The following HDGFL3 variants were observed in gnomAD, a reference collection of about 807,000 sequenced individuals.
HDGFL3 encodes the protein HDGF like 3.
In HDGFL3, 6 loss-of-function variants were observed where a neutral mutation model predicts 27.6. The ratio of observed to expected loss-of-function variants is 0.22; its 90% CI spans 0.12 to 0.43. The LOEUF (loss-of-function observed/expected upper bound fraction) is 0.43, where lower values mean the gene tolerates loss of function less well. Ranked by LOEUF, HDGFL3 falls within the 20% of genes least tolerant of loss-of-function variation. HDGFL3 has a pLI of 1.00. For missense variants in HDGFL3, 207 were observed against 250.1 expected, an observed-to-expected ratio of 0.83 and a Z score of 1.16; for synonymous variants, 88 against 88.9, an observed-to-expected ratio of 0.99 and a Z score of 0.05.
rs3082058 is a variant in HDGFL3 at position 83,145,897 on chromosome 15, CTTTTTTTTTTTTTTTTTT to C, written c.606+5300_606+5317del. Among the ~76,000 whole-genome samples the C allele has an allele frequency of 5.8e-3, 286 of 49,520 alleles. 2 individuals carry two copies. Among genetic ancestry groups the C allele is most frequent in the African/African-American group, 0.022 (272 of 12,376 alleles). The allele number at this position is 49,520 out of a possible 152,430, so 32.5% of individuals were successfully genotyped here. A position where few individuals can be genotyped will look rare whatever the true frequency, so the allele number is the denominator to read the frequency against. On this transcript the variant is annotated intron_variant, in intron 5 of 5. Coordinates refer to ENST00000299633, the MANE Select transcript of HDGFL3 (RefSeq NM_016073.4). Reference sequence around the variant, plus strand: ...TTCTCTCTCTCTCCCTTTCTTCTTCCTTTTTTTTTTTTTTTTTTTTTTTTTTTTTTTGAGATGGAGTCT... The same window carrying C: ...TTCTCTCTCTCTCCCTTTCTTCTTCCTTTTTTTTTTTTTGAGATGGAGTCT...
chr15:83,149,396 T>C lies in HDGFL3; in HGVS notation c.606+1819A>G, dbSNP rs889807069. ...CGTAATCAGTAAAGTTGAAATCATA[T>C]GTATGGATAAGATGAACACAAGATG... is the stretch of plus-strand genomic sequence containing the variant. On this transcript the variant is annotated intron_variant, in intron 5 of 5. Transcript: ENST00000299633. Among the ~76,000 whole-genome samples the C allele has an allele frequency of 3.3e-5, 5 of 152,312 alleles. No individual in the cohort carries two copies. In the South Asian group the frequency reaches 6.2e-4, roughly 19 times the overall value.
At chr15:83,202,950 G>A (rs749411242) in intron 1 of HDGFL3, among the ~76,000 whole-genome samples, 3 of 152,076 alleles carry the variant, frequency 2.0e-5, no homozygotes, top group Admixed American at 6.5e-5. Flanking sequence ...CATGAAGAAA[G>A]TTGTTATGTA....
Position 83,136,578 on chromosome 15 carries a change from TA to T in HDGFL3, c.*2691del. 6.2e-7 allele frequency: 1 copy of T among 1,613,908 alleles called. No individual in the cohort carries two copies. Among genetic ancestry groups the T allele is most frequent in the Non-Finnish European group, 8.5e-7 (1 of 1,179,870 alleles). On this transcript the variant is annotated 3_prime_UTR_variant, in exon 6 of 6. Transcript: ENST00000299633. ...AAAATCCTTTTTTTAGCATTAAACA[TA>T]GCATATGGAGTTCTTCCTCAGCTCT...
chr15:83,203,426 G>A (rs1369307663), intron 1 of HDGFL3, among the ~76,000 whole-genome samples: 1 of 152,028 alleles, frequency 6.6e-6, no homozygotes. Flanking sequence ...CATTTGGTGT[G>A]TGCCCGGTTG....
intron 3 of HDGFL3, among the ~76,000 whole-genome samples, chr15:83,121,571 A>G (rs143260474): frequency 1.3e-4 from 20 of 152,206 alleles, no homozygotes; most frequent in African/African-American, 4.3e-4. Flanking sequence ...TATGGATCCA[A>G]TTTCATTTCT....
chr15:83,165,685 C>T (rs1025354765), intron 1 of HDGFL3, among the ~76,000 whole-genome samples: 2 of 150,284 alleles, frequency 1.3e-5, no homozygotes, highest in African/African-American at 4.9e-5. Context: ...GTCCCAGCTA[C>T]TCAGGAGGCT....
At chr15:83,150,181 T>C (rs1345165982) in intron 5 of HDGFL3, among the ~76,000 whole-genome samples, 2 of 152,072 alleles carry the variant, frequency 1.3e-5, no homozygotes, top group Admixed American at 6.5e-5. Flanking sequence ...ATAAGTTTGG[T>C]AGTAAAGGGA....
intron 1 of HDGFL3, chr15:83,185,818 T>C (rs1220641396): frequency 2.0e-5 from 3 of 152,254 alleles, no homozygotes; most frequent in Non-Finnish European, 4.4e-5. Context: ...GTTACTTACT[T>C]ATAATGAATG....
chr15:83,174,320 T>C (rs1178511339), intron 1 of HDGFL3, among the ~76,000 whole-genome samples: 1 of 152,158 alleles, frequency 6.6e-6, no homozygotes. Context: ...ACCCCTGAAA[T>C]GTCTCTCAAA....
chr15:83,207,253 TG>T lies in HDGFL3; in HGVS notation c.84+77del. On this transcript the variant is annotated intron_variant, in intron 1 of 5. Coordinates refer to ENST00000299633, the MANE Select transcript of HDGFL3 (RefSeq NM_016073.4). The surrounding 1 kb of genome is among the most constrained non-coding windows in gnomAD (Gnocchi z 4.8). The stretch of plus-strand genomic sequence containing the variant: ...AGCTGCGGGCTCGGGGCTGAGGCGA[TG>T]GGGAAAGGGGGCGGGCGCGCCATCA... 4 of 965,584 alleles carry T rather than the reference TG, an allele frequency of 4.1e-6. No homozygotes were observed. The highest frequency in any genetic ancestry group is 3.0e-5 in the South Asian group (1 of 33,120). 59.8% of individuals were successfully genotyped at this position (965,584 alleles called of 1,614,324 possible).
chr15:83,140,383 T>C (rs1322062318), intron 5 of HDGFL3, among the ~76,000 whole-genome samples: 2 of 151,992 alleles, frequency 1.3e-5, no homozygotes, highest in Admixed American at 6.5e-5. Flanking sequence ...ACACCAGTTA[T>C]AAGATTATAC....
chr15:83,143,272 A>G (rs976574263), intron 5 of HDGFL3, among the ~76,000 whole-genome samples: 7 of 152,052 alleles, frequency 4.6e-5, no homozygotes, highest in African/African-American at 1.7e-4. Context: ...TTGGCCTCCC[A>G]AAGTGTTGAG....
At chr15:83,183,711 T>C (rs1194862072) in intron 1 of HDGFL3, among the ~76,000 whole-genome samples, 4 of 151,500 alleles carry the variant, frequency 2.6e-5, no homozygotes, top group Admixed American at 1.3e-4. Context: ...TAAGCAGAGA[T>C]TGTGCCAATG....
chr15:83,155,673 G>GT (rs1161696915), intron 4 of HDGFL3, among the ~76,000 whole-genome samples: 1 of 152,200 alleles, frequency 6.6e-6, no homozygotes, highest in Non-Finnish European at 1.5e-5. Context: ...AATTCTGCCT[G>GT]TATGCCAGTT....
At chr15:83,194,685 T>C (rs1039634672) in intron 1 of HDGFL3, among the ~76,000 whole-genome samples, 11 of 152,246 alleles carry the variant, frequency 7.2e-5, no homozygotes, top group Admixed American at 1.3e-4. Context: ...GTCAAAGTGG[T>C]TAGTGTGAAT....
rs1182119480 is a variant in HDGFL3, at chr15:83,135,448, A to G, written c.*3822T>C. The G allele has an allele frequency of 6.6e-6, 1 of 152,220 alleles. No individual in the cohort carries two copies. The highest frequency in any genetic ancestry group is 2.1e-4 in the South Asian group (1 of 4,828). 9.4% of individuals were successfully genotyped at this position (152,220 alleles called of 1,614,324 possible). Reference sequence around the variant, plus strand: ...GATCCTGATGAACTGATAATTTACTACTTATTACATTTAGATTCCCAATCC... The same window carrying G: ...GATCCTGATGAACTGATAATTTACTGCTTATTACATTTAGATTCCCAATCC... On this transcript the variant is annotated 3_prime_UTR_variant, in exon 6 of 6. Transcript: ENST00000299633.
intron 2 of HDGFL3, among the ~76,000 whole-genome samples, chr15:83,159,174 G>A (rs541761846): frequency 1.3e-5 from 2 of 152,186 alleles, no homozygotes; most frequent in East Asian, 3.9e-4. Flanking sequence ...TCATTTTAGT[G>A]TTTAATGAGG....
intron 5 of HDGFL3, among the ~76,000 whole-genome samples, chr15:83,148,016 A>C (rs919896878): frequency 6.6e-6 from 1 of 152,212 alleles, no homozygotes; most frequent in South Asian, 2.1e-4. Context: ...GTCAATAAAC[A>C]TGAAAGGCAG....
chr15:83,150,513 G>C (rs2036950471), intron 5 of HDGFL3, among the ~76,000 whole-genome samples: 2 of 152,054 alleles, frequency 1.3e-5, no homozygotes, highest in African/African-American at 4.8e-5. Context: ...GAGGTAAACA[G>C]GACTGACATG....
Sources: gnomAD v4.1 joint callset for allele counts (sites outside exome capture counted in the v4.1 genomes callset) on GRCh38, gnomAD v4.1.1 for gene constraint, Gnocchi (gnomAD v3.1) non-coding constraint, MANE v1.5 for transcripts, NCBI Gene and HGNC (gene_info 2026-07-23, HGNC 2026-07-21) for gene names.